Variants in TOX3 observed in about 807,000 individuals in gnomAD.
TOX3 encodes TOX high mobility group box family member 3.
In TOX3, 22 loss-of-function variants were observed where a neutral mutation model predicts 64.3. That is an observed-to-expected ratio of 0.34 (90% CI 0.24 to 0.49). TOX3 has a LOEUF of 0.49. Ranked by LOEUF, TOX3 falls within the 20% of genes least tolerant of loss-of-function variation. TOX3 has a pLI of 0.99. For missense variants in TOX3, 661 were observed against 714.4 expected (o/e 0.93, Z 0.85); for synonymous variants, 291 against 273.6 (o/e 1.06, Z -0.63).
chr16:52,439,866 G>A lies in TOX3; in HGVS notation c.1090C>T (p.Gln364Ter). 6.2e-7 allele frequency: 1 copy of A among 1,613,896 alleles called. No homozygotes were observed. The highest frequency in any genetic ancestry group is 8.5e-7 in the Non-Finnish European group (1 of 1,179,840). Residue 364 changes from glutamine (Q) to a stop codon, truncating the protein, a stop_gained, in exon 7 of 7, where the codon CAA becomes TAA. Coordinates refer to ENST00000219746, the MANE Select transcript of TOX3 (RefSeq NM_001080430.4). LOFTEE classifies it high-confidence loss of function. The part of the protein sequence containing the change: ...SSLLLNTPLS[Q>*]HGTVSASPQT... ...GGTGATGCTGACACTGTTCCATGTTGAGACAGTGGAGTGTTGAGAAGGAGA... is the reference window on the plus strand; with the variant it reads ...GGTGATGCTGACACTGTTCCATGTTAAGACAGTGGAGTGTTGAGAAGGAGA...
rs758913146 is a variant in TOX3, at chr16:52,464,108, G to A, written c.234C>T (p.Ala78=). 6.3e-7 allele frequency: 1 copy of A among 1,597,712 alleles called. No individual in the cohort carries two copies. Among genetic ancestry groups the A allele is most frequent in the South Asian group, 1.1e-5 (1 of 88,086 alleles). ...PITPPPESDP[A]LGMPDVLLPF... ...GTAGCAGTACATCCGGCATGCCTAG[G>A]GCAGGGTCTGACTCTGGAGGAGGCG... The change falls in exon 3 of 7, where the codon GCC becomes GCT. Residue 78 remains alanine (A), a synonymous_variant. Transcript: ENST00000219746.
intron 1 of TOX3, among the ~76,000 whole-genome samples, chr16:52,538,134 T>C (rs1449041722): frequency 6.6e-6 from 1 of 152,144 alleles, no homozygotes; most frequent in Non-Finnish European, 1.5e-5. Flanking sequence ...ATAAGTCAAA[T>C]AATAAGGGTT....
intron 1 of TOX3, among the ~76,000 whole-genome samples, chr16:52,516,625 T>G (rs2151475991): frequency 6.6e-6 from 1 of 152,342 alleles, no homozygotes; most frequent in Admixed American, 6.5e-5. Flanking sequence ...ATCAGATATA[T>G]GCTACCCATA....
intron 3 of TOX3, among the ~76,000 whole-genome samples, chr16:52,458,838 G>A (rs1303704221): frequency 6.6e-6 from 1 of 152,010 alleles, no homozygotes; most frequent in Non-Finnish European, 1.5e-5. Flanking sequence ...CTGTGGCCTG[G>A]GTATTTTTGG....
At chr16:52,450,859 A>AGGAG in intron 3 of TOX3, among the ~76,000 whole-genome samples, 1 of 145,348 alleles carries the variant, frequency 6.9e-6, no homozygotes, top group South Asian at 2.2e-4. Context: ...GAAGGAAGGA[A>AGGAG]AAAAAGAAGA....
At chr16:52,506,876 T>C (rs1051671279) in intron 1 of TOX3, among the ~76,000 whole-genome samples, 2 of 152,210 alleles carry the variant, frequency 1.3e-5, no homozygotes, top group Non-Finnish European at 2.9e-5. Context: ...TATTATGTAG[T>C]ATTGTTTGTG....
intron 1 of TOX3, among the ~76,000 whole-genome samples, chr16:52,500,121 A>T (rs922668876): frequency 8.5e-5 from 13 of 152,218 alleles, no homozygotes; most frequent in African/African-American, 3.1e-4. Flanking sequence ...AACAGAAGAG[A>T]TTCTGCTATA....
intron 4 of TOX3, among the ~76,000 whole-genome samples, chr16:52,446,636 C>T (rs1241508756): frequency 1.3e-5 from 2 of 151,724 alleles, no homozygotes; most frequent in Non-Finnish European, 2.9e-5. Flanking sequence ...AAATGAGGTC[C>T]CTAGCCATAG....
chr16:52,521,743 C>A (rs1000664489), intron 1 of TOX3, among the ~76,000 whole-genome samples: 9 of 152,192 alleles, frequency 5.9e-5, no homozygotes, highest in Non-Finnish European at 1.0e-4. Flanking sequence ...GCAGCATCAG[C>A]ATCACCTAGC....
At position 52,546,749 on chromosome 16, in the gene TOX3, G is replaced by T; in HGVS notation, c.-26C>A. On this transcript the variant is annotated 5_prime_UTR_variant, in exon 1 of 7. Transcript: ENST00000219746. ...GCCGAAGCTGGGCCCGGGGCCGGGGGCCGGGACTGGGGTTCGCCGGGGCCG... is the reference window on the plus strand; with the variant it reads ...GCCGAAGCTGGGCCCGGGGCCGGGGTCCGGGACTGGGGTTCGCCGGGGCCG... 2.0e-6 allele frequency: 3 copies of T among 1,498,240 alleles called. No homozygotes were observed. The highest frequency in any genetic ancestry group is 2.7e-6 in the Non-Finnish European group (3 of 1,128,304). 92.8% of individuals were successfully genotyped at this position (1,498,240 alleles called of 1,614,324 possible). A position where few individuals can be genotyped will look rare whatever the true frequency, so the allele number is the denominator to read the frequency against.
At chr16:52,491,166 C>T (rs964385924) in intron 1 of TOX3, among the ~76,000 whole-genome samples, 4 of 152,146 alleles carry the variant, frequency 2.6e-5, no homozygotes, top group African/African-American at 9.7e-5. Flanking sequence ...TCTATTCCTT[C>T]TGCTCCTCTC....
At chr16:52,446,971 T>C (rs1960181412) in intron 4 of TOX3, among the ~76,000 whole-genome samples, 1 of 152,170 alleles carries the variant, frequency 6.6e-6, no homozygotes, top group Non-Finnish European at 1.5e-5. Context: ...AAAGAAGATG[T>C]TTGTTATTTA....
chr16:52,464,051 G>A lies in TOX3; in HGVS notation c.291C>T (p.Ser97=). The A allele has an allele frequency of 6.2e-7, 1 of 1,603,258 alleles. No individual in the cohort carries two copies. The highest frequency in any genetic ancestry group is 8.5e-7 in the Non-Finnish European group (1 of 1,175,246). Reference sequence around the variant, plus strand: ...ACTGGGGTGTGAATTCACTTCCCTGGGAAGGCAATGGATCGCTGAGGGCTT... The same window carrying A: ...ACTGGGGTGTGAATTCACTTCCCTGAGAAGGCAATGGATCGCTGAGGGCTT... ...PFQALSDPLP[S]QGSEFTPQFP... is the part of the protein sequence containing the mutation. The change falls in exon 3 of 7, where the codon TCC becomes TCT. Residue 97 remains serine (S), a synonymous_variant. Coordinates refer to ENST00000219746, the MANE Select transcript of TOX3 (RefSeq NM_001080430.4).
chr16:52,454,465 C>T (rs960637186), intron 3 of TOX3, among the ~76,000 whole-genome samples: 7 of 152,158 alleles, frequency 4.6e-5, no homozygotes, highest in Admixed American at 6.5e-5. Flanking sequence ...CCACTCACCA[C>T]GGTTCACAGT....
intron 3 of TOX3, among the ~76,000 whole-genome samples, chr16:52,453,222 T>G (rs1164260341): frequency 6.6e-6 from 1 of 151,752 alleles, no homozygotes; most frequent in African/African-American, 2.4e-5. Flanking sequence ...CTCGCTCTGT[T>G]GCCCAGGCTG....
chr16:52,461,245 CT>C (rs1960677591), intron 3 of TOX3, among the ~76,000 whole-genome samples: 1 of 152,120 alleles, frequency 6.6e-6, no homozygotes, highest in African/African-American at 2.4e-5. Context: ...TTGATTTTGA[CT>C]TGCCAACCAC....
At position 52,439,138 on chromosome 16, in the gene TOX3, C is replaced by T; in HGVS notation, c.*87G>A. ...CTGTTACACATTTCTGCATAACCAA[C>T]ACCAACTTACAGGTTTCAGCCACAT... On this transcript the variant is annotated 3_prime_UTR_variant, in exon 7 of 7. Coordinates refer to ENST00000219746, the MANE Select transcript of TOX3 (RefSeq NM_001080430.4). The T allele has an allele frequency of 1.9e-6, 3 of 1,579,726 alleles. No homozygotes were observed. The highest frequency in any genetic ancestry group is 2.6e-6 in the Non-Finnish European group (3 of 1,160,916).
chr16:52,515,028 A>AG (rs1567345055), intron 1 of TOX3, among the ~76,000 whole-genome samples: 1 of 149,808 alleles, frequency 6.7e-6, no homozygotes, highest in Non-Finnish European at 1.5e-5. Context: ...AAAAAAAAAA[A>AG]AAAAAAAAAA....
intron 1 of TOX3, among the ~76,000 whole-genome samples, chr16:52,478,064 C>T (rs2151446671): frequency 6.6e-6 from 1 of 152,274 alleles, no homozygotes; most frequent in Non-Finnish European, 1.5e-5. Context: ...TTTGAAGAAA[C>T]CAAAAGAGAC....
Sources: gnomAD v4.1 joint callset for allele counts (sites outside exome capture counted in the v4.1 genomes callset) on GRCh38, gnomAD v4.1.1 for gene constraint, MANE v1.5 for transcripts, NCBI Gene and HGNC (gene_info 2026-07-23, HGNC 2026-07-21) for gene names.